The following AEBP2 variants were observed in gnomAD, a reference collection of about 807,000 sequenced individuals.
AEBP2 encodes the protein zinc finger protein AEBP2.
Under a neutral mutation model 50.8 loss-of-function variants are expected in AEBP2, and 10 were observed. The ratio of observed to expected loss-of-function variants is 0.20; its 90% CI spans 0.12 to 0.33. AEBP2 has a LOEUF of 0.33. Ranked by LOEUF, AEBP2 falls within the 10% of genes least tolerant of loss-of-function variation. AEBP2 has a pLI of 1.00. For synonymous variants in AEBP2, 296 were observed against 261.3 expected (o/e 1.13, Z -1.28); for missense variants, 570 against 688.0 (o/e 0.83, Z 1.92).
At chr12:19,495,441 G>A (rs796570801) in intron 4 of AEBP2, among the ~76,000 whole-genome samples, 9 of 152,092 alleles carry the variant, frequency 5.9e-5, no homozygotes, top group African/African-American at 2.2e-4. Context: ...GATTTATAGC[G>A]GACAAATGAA....
upstream of AEBP2, among the ~76,000 whole-genome samples, chr12:19,435,938 C>T (rs1029023628): frequency 1.3e-5 from 2 of 152,062 alleles, no homozygotes; most frequent in Non-Finnish European, 2.9e-5. Context: ...CAGAGGTGTT[C>T]GAACCACAGC....
Position 19,518,114 on chromosome 12 carries a change from G to A in AEBP2, c.1509G>A (p.Arg503=), listed in dbSNP as rs781085334. The change falls in exon 8 of 8, where the codon AGG becomes AGA. Residue 503 remains arginine (R), a synonymous_variant. Coordinates refer to ENST00000266508, the MANE Select transcript of AEBP2 (RefSeq NM_153207.5). The stretch of plus-strand genomic sequence containing the variant: ...CAATGCCGCAGAAGAGGTTGAAGAG[G>A]TAAAAAATAAATAAATACATAAAAA... ...YRTMPQKRLK[R] is the part of the protein sequence containing the mutation. 9 of 1,595,494 alleles carry A rather than the reference G, an allele frequency of 5.6e-6. No individual in the cohort carries two copies. Among genetic ancestry groups the A allele is most frequent in the Non-Finnish European group, 7.7e-6 (9 of 1,170,810 alleles).
chr12:19,484,951 G>A (rs545981826), intron 3 of AEBP2, among the ~76,000 whole-genome samples: 7 of 152,212 alleles, frequency 4.6e-5, no homozygotes, highest in African/African-American at 1.7e-4. Flanking sequence ...ATGTGACTGC[G>A]AACTGCTTTT....
chr12:19,446,671 G>A (rs12425120), intron 1 of AEBP2, among the ~76,000 whole-genome samples: 39,579 of 149,790 alleles, frequency 0.26, 6,294 homozygotes, highest in African/African-American at 0.46. Flanking sequence ...GGCGGAGCTT[G>A]CAGTGAGCAG....
intron 2 of AEBP2, among the ~76,000 whole-genome samples, chr12:19,470,658 A>G (rs1204071946): frequency 6.6e-6 from 1 of 152,164 alleles, no homozygotes; most frequent in Non-Finnish European, 1.5e-5. Context: ...GCTGTATCAG[A>G]TGTGATTTCA....
At chr12:19,428,538 G>A (rs1053175934) in intron 1 of AEBP2, among the ~76,000 whole-genome samples, 1 of 152,248 alleles carries the variant, frequency 6.6e-6, no homozygotes, top group African/African-American at 2.4e-5. Flanking sequence ...AAGGCTGGGT[G>A]CGGTGGCTCA....
intron 1 of AEBP2, among the ~76,000 whole-genome samples, chr12:19,453,424 C>CTTTTTTT (rs112177656): frequency 6.7e-6 from 1 of 148,612 alleles, no homozygotes; most frequent in Non-Finnish European, 1.5e-5. Context: ...GACCTATATA[C>CTTTTTTT]TTTCTTTTTT....
chr12:19,439,581 T>A lies in AEBP2; in HGVS notation c.-119T>A. ...GGCTGACGCAGCTCGCGGGCCCTCCTCCTGCTCTGCAGCGGCGTCGGCGGA... is the reference window on the plus strand; with the variant it reads ...GGCTGACGCAGCTCGCGGGCCCTCCACCTGCTCTGCAGCGGCGTCGGCGGA... On this transcript the variant is annotated 5_prime_UTR_variant, in exon 1 of 8. Coordinates refer to ENST00000266508, the MANE Select transcript of AEBP2 (RefSeq NM_153207.5). 1 of 1,348,256 alleles carries A rather than the reference T, an allele frequency of 7.4e-7. No individual in the cohort carries two copies. Among genetic ancestry groups the A allele is most frequent in the African/African-American group, 1.5e-5 (1 of 65,438 alleles). 83.5% of individuals were successfully genotyped at this position (1,348,256 alleles called of 1,614,324 possible). A position where few individuals can be genotyped will look rare whatever the true frequency, so the allele number is the denominator to read the frequency against.
At chr12:19,408,677 G>A (rs1365094508) in intron 1 of AEBP2, among the ~76,000 whole-genome samples, 2 of 151,954 alleles carry the variant, frequency 1.3e-5, no homozygotes, top group Admixed American at 1.3e-4. Flanking sequence ...CGAGGCAGGT[G>A]GATCACGAGG....
chr12:19,498,718 A>G (rs1029678522), intron 4 of AEBP2, among the ~76,000 whole-genome samples: 3 of 152,234 alleles, frequency 2.0e-5, no homozygotes, highest in Non-Finnish European at 4.4e-5. Context: ...ATTAGGAATA[A>G]GAATAGAATA....
In AEBP2 at chr12:19,427,421, C is replaced by T. The variant is rs1015144922; in HGVS notation, c.-17+23205C>T. ...AAAACGCAGAGGAAGGGTGAACTCT[C>T]TCTGTTCTTGAGGTGTGACATGCAT... On this transcript the variant is annotated intron_variant, in intron 1 of 3. Transcript: ENST00000538425. 2.0e-5 allele frequency among the ~76,000 whole-genome samples: 3 copies of T among 148,988 alleles called. No individual in the cohort carries two copies. In the Admixed American group the frequency reaches 2.0e-4, roughly 10 times the overall value.
chr12:19,451,078 A>G (rs145672709), intron 1 of AEBP2, among the ~76,000 whole-genome samples: 1 of 152,330 alleles, frequency 6.6e-6, no homozygotes, highest in African/African-American at 2.4e-5. Flanking sequence ...ACAGTTTATT[A>G]GAGTTGTAAG....
At chr12:19,505,969 C>T (rs12227503) in intron 5 of AEBP2, among the ~76,000 whole-genome samples, 3,263 of 151,218 alleles carry the variant, frequency 0.022, 40 homozygotes, top group East Asian at 0.042. Flanking sequence ...TTTATTTTTT[C>T]TTGTAGAGAT....
intron 3 of AEBP2, among the ~76,000 whole-genome samples, chr12:19,486,388 AT>A (rs929368856): frequency 4.0e-5 from 6 of 150,620 alleles, no homozygotes; most frequent in African/African-American, 1.5e-4. Flanking sequence ...ATTGGCTGCT[AT>A]TTTTTTTTGT....
chr12:19,499,309 A>G (rs1364457496), intron 4 of AEBP2, among the ~76,000 whole-genome samples: 1 of 152,138 alleles, frequency 6.6e-6, no homozygotes, highest in Non-Finnish European at 1.5e-5. Flanking sequence ...TCAAGAAAAT[A>G]CTTGTCAAAA....
chr12:19,425,437 T>C (rs2095748022), intron 1 of AEBP2, among the ~76,000 whole-genome samples: 1 of 152,072 alleles, frequency 6.6e-6, no homozygotes, highest in Non-Finnish European at 1.5e-5. Flanking sequence ...ATGCCTGTAA[T>C]CCCAGCACTT....
At chr12:19,457,154 G>A (rs1270291402) in intron 1 of AEBP2, 1 of 1,597,638 alleles carries the variant, frequency 6.3e-7, no homozygotes, top group African/African-American at 1.3e-5. Context: ...TGGCTGTAGG[G>A]TGGCTCAGTG....
At chr12:19,464,977 A>G (rs1948445754) in intron 2 of AEBP2, among the ~76,000 whole-genome samples, 1 of 152,178 alleles carries the variant, frequency 6.6e-6, no homozygotes, top group Admixed American at 6.5e-5. Context: ...ATTAGACATG[A>G]AATGTTGGCA....
chr12:19,404,957 CA>C (rs1191575566), intron 1 of AEBP2, among the ~76,000 whole-genome samples: 1 of 102,266 alleles, frequency 9.8e-6, no homozygotes, highest in Non-Finnish European at 1.8e-5. Flanking sequence ...TTTTTTCAGA[CA>C]AGGTCTCACT....
Sources: gnomAD v4.1 joint callset for allele counts (sites outside exome capture counted in the v4.1 genomes callset) on GRCh38, gnomAD v4.1.1 for gene constraint, MANE v1.5 for transcripts, NCBI Gene and HGNC (gene_info 2026-07-23, HGNC 2026-07-21) for gene names.